Variants in TBXA2R observed in about 807,000 individuals in gnomAD.
TBXA2R encodes the protein prostanoid TP receptor.
Under a neutral mutation model 15.6 loss-of-function variants are expected in TBXA2R, and 15 were observed. The ratio of observed to expected loss-of-function variants is 0.96; its 90% CI spans 0.64 to 1.48. The LOEUF is 1.48. Among genes scored for constraint, TBXA2R ranks in the 40% most tolerant of loss-of-function variants. TBXA2R has a pLI of 0.00. For missense variants in TBXA2R, 506 were observed against 491.4 expected (o/e 1.03, Z -0.28); for synonymous variants, 280 against 241.2 (o/e 1.16, Z -1.49).
chr19:3,600,567 C>A lies in TBXA2R; in HGVS notation c.68G>T (p.Arg23Leu). The change falls in exon 2 of 3, where the codon CGG (arginine) becomes CTG (leucine). Residue 23 changes from arginine (R) to leucine (L), a missense_variant. Arg to Leu is a moderately radical substitution (Grantham distance 102, BLOSUM62 -2). Coordinates refer to ENST00000375190, the MANE Select transcript of TBXA2R (RefSeq NM_001060.6). Reference protein sequence around the residue: ...RPTNITLEERRLIASPWFAAS... With the variant: ...RPTNITLEERLLIASPWFAAS... ...GGCGAACCAGGGCGAGGCGATCAGC[C>A]GTCTCTCCTCCAGGGTAATGTTTGT... is the stretch of plus-strand genomic sequence containing the variant. The A allele has an allele frequency of 6.2e-7, 1 of 1,612,116 alleles. No homozygotes were observed. The highest frequency in any genetic ancestry group is 2.2e-5 in the East Asian group (1 of 44,806).
chr19:3,596,005 C>A, intron 2 of TBXA2R, 72 bp from the exon 3 acceptor site: 16 of 1,528,026 alleles, frequency 1.0e-5, no homozygotes, highest in Non-Finnish European at 1.4e-5. Context: ...GCCCGGGGTC[C>A]CTTGAGATCC....
At position 3,598,594 on chromosome 19, in the gene TBXA2R, C is replaced by T. The variant is rs561221281; in HGVS notation, c.786+1255G>A. On this transcript the variant is annotated intron_variant, in intron 2 of 2. Coordinates refer to ENST00000375190, the MANE Select transcript of TBXA2R (RefSeq NM_001060.6). ...CTTGAACTCCTGACCTCAGGTGATC[C>T]GCCTGTCTCGGCCTCTCAAAGCGCT... Among the ~76,000 whole-genome samples the T allele has an allele frequency of 2.4e-4, 37 of 151,900 alleles. No homozygotes were observed. The South Asian group carries it at 7.1e-3, about 29-fold the overall frequency.
chr19:3,595,056 G>A lies in TBXA2R; in HGVS notation c.*632C>T. 1.1e-6 allele frequency: 1 copy of A among 943,160 alleles called. No homozygotes were observed. The highest frequency in any genetic ancestry group is 1.6e-6 in the Non-Finnish European group (1 of 623,728). The allele number at this position is 943,160 out of a possible 1,614,324, so 58.4% of individuals were successfully genotyped here. On this transcript the variant is annotated 3_prime_UTR_variant, in exon 3 of 3. Transcript: ENST00000375190. ...GATCGTGCCACTGTACTCCAGGCTG[G>A]GCCACAGAGTGAGACTCCGTCTAAA...
In TBXA2R at chr19:3,595,901, C is replaced by G; in HGVS notation, c.819G>C (p.Pro273=). ...VFIAQTVLRN[P]PAMSPAGQLS... is the part of the protein sequence containing the mutation. ...GCTGCCCGGCGGGGCTCATGGCAGG[C>G]GGGTTTCGCAGCACTGTCTGGGCGA... is the stretch of plus-strand genomic sequence containing the variant. Residue 273 remains proline (P), a synonymous_variant, in exon 3 of 3, where the codon CCG becomes CCC. Coordinates refer to ENST00000375190, the MANE Select transcript of TBXA2R (RefSeq NM_001060.6). The G allele has an allele frequency of 6.2e-7, 1 of 1,602,956 alleles. No homozygotes were observed. The highest frequency in any genetic ancestry group is 2.3e-5 in the East Asian group (1 of 44,370).
At chr19:3,596,829 C>T (rs990935372) in intron 2 of TBXA2R, among the ~76,000 whole-genome samples, 14 of 151,850 alleles carry the variant, frequency 9.2e-5, no homozygotes, top group Non-Finnish European at 1.8e-4. Context: ...GATCTGCCCT[C>T]CTCGGCCTCC....
chr19:3,595,697 C>T lies in TBXA2R; in HGVS notation c.1023G>A (p.Gly341=). 6.3e-7 allele frequency: 1 copy of T among 1,587,290 alleles called. No homozygotes were observed. Among genetic ancestry groups the T allele is most frequent in the African/African-American group, 1.3e-5 (1 of 74,842 alleles). The change falls in exon 3 of 3, where the codon GGG becomes GGA. Residue 341 remains glycine (G), a synonymous_variant. Coordinates refer to ENST00000375190, the MANE Select transcript of TBXA2R (RefSeq NM_001060.6). ...GCGCTCTGTCCACTTCCTACTGCAG[C>T]CCGGAGCGCTGCGTGAGCTGGGGCT... ...SLQPQLTQRS[G]LQ
chr19:3,599,790 C>T (rs993137867), intron 2 of TBXA2R, 59 bp downstream of exon 2: 3 of 1,547,634 alleles, frequency 1.9e-6, no homozygotes, highest in African/African-American at 2.7e-5. Context: ...CTAAATCCAC[C>T]CTGGGTGACC....
At chr19:3,597,068 T>A (rs968603815) in intron 2 of TBXA2R, among the ~76,000 whole-genome samples, 5 of 151,274 alleles carry the variant, frequency 3.3e-5, no homozygotes, top group Non-Finnish European at 5.9e-5. Flanking sequence ...GCCTCCCGAG[T>A]AGCTGGGATT....
Position 3,595,704 on chromosome 19 carries a change from C to G in TBXA2R, c.1016G>C (p.Arg339Pro), listed in dbSNP as rs563919263. 5.0e-6 allele frequency: 8 copies of G among 1,590,538 alleles called. No homozygotes were observed. In the African/African-American group the frequency reaches 8.0e-5, roughly 16 times the overall value. Residue 339 changes from arginine (R) to proline (P), a missense_variant, in exon 3 of 3, where the codon CGC (arginine) becomes CCC (proline). By Grantham distance (103) the Arg-to-Pro change is moderately radical. Coordinates refer to ENST00000375190, the MANE Select transcript of TBXA2R (RefSeq NM_001060.6). ...SLSLQPQLTQ[R>P]SGLQ is the part of the protein sequence containing the mutation. ...GTCCACTTCCTACTGCAGCCCGGAGCGCTGCGTGAGCTGGGGCTGGAGGGA... is the reference window on the plus strand; with the variant it reads ...GTCCACTTCCTACTGCAGCCCGGAGGGCTGCGTGAGCTGGGGCTGGAGGGA...
In TBXA2R at chr19:3,600,128, C is replaced by T. The variant is rs760943192; in HGVS notation, c.507G>A (p.Leu169=). 1 of 1,610,474 alleles carries T rather than the reference C, an allele frequency of 6.2e-7. No individual in the cohort carries two copies. Among genetic ancestry groups the T allele is most frequent in the Non-Finnish European group, 8.5e-7 (1 of 1,179,012 alleles). ...AALALGLLPL[L]GVGRYTVQYP... ...ATTGCACGGTGTAGCGACCCACGCC[C>T]AGCAGGGGCAGCAGGCCCAGCGCCA... The change falls in exon 2 of 3, where the codon CTG becomes CTA. Residue 169 remains leucine, a synonymous_variant. Transcript: ENST00000375190.
intron 2 of TBXA2R, among the ~76,000 whole-genome samples, chr19:3,596,518 G>A (rs1445569101): frequency 6.6e-6 from 1 of 152,154 alleles, no homozygotes; most frequent in African/African-American, 2.4e-5. Context: ...CCAGCCTGGG[G>A]AACATAGTGA....
intron 1 of TBXA2R, among the ~76,000 whole-genome samples, chr19:3,601,985 G>T (rs1321494149): frequency 6.6e-6 from 1 of 151,926 alleles, no homozygotes; most frequent in Non-Finnish European, 1.5e-5. Flanking sequence ...ACTTTGGGAG[G>T]CCGAGGCGGG....
intron 1 of TBXA2R, among the ~76,000 whole-genome samples, chr19:3,601,033 C>A (rs373845837): frequency 6.6e-6 from 1 of 151,256 alleles, no homozygotes; most frequent in Non-Finnish European, 1.5e-5. Context: ...GGATTACAGG[C>A]GTGAGCCACC....
chr19:3,596,515 G>A (rs900250403), intron 2 of TBXA2R, among the ~76,000 whole-genome samples: 3 of 152,114 alleles, frequency 2.0e-5, no homozygotes, highest in Admixed American at 2.0e-4. Context: ...AGACCAGCCT[G>A]GGGAACATAG....
Position 3,599,973 on chromosome 19 carries a change from G to A in TBXA2R, c.662C>T (p.Thr221Ile), listed in dbSNP as rs932661365. ...CTGCCCGTGGTAGACGTGGCACAGG[G>A]TGGCCACGCTGACCGTGTTCAGCAG... ...SFLLNTVSVA[T>I]LCHVYHGQEA... Residue 221 changes from threonine (T) to isoleucine (I), a missense_variant, in exon 2 of 3, where the codon ACC (threonine) becomes ATC (isoleucine). By Grantham distance (89) the Thr-to-Ile change is moderately conservative. Transcript: ENST00000375190. The A allele has an allele frequency of 3.1e-6, 5 of 1,595,458 alleles. No individual in the cohort carries two copies. The African/African-American group carries it at 5.4e-5, about 17-fold the overall frequency.
At chr19:3,603,028 TCC>T (rs2032768253) in intron 1 of TBXA2R, among the ~76,000 whole-genome samples, 7 of 134,216 alleles carry the variant, frequency 5.2e-5, no homozygotes, top group Non-Finnish European at 9.9e-5. Flanking sequence ...AGAGCGAGAC[TCC>T]ATCTCAAAAA....
At chr19:3,605,981 C>T (rs903666628) in intron 1 of TBXA2R, among the ~76,000 whole-genome samples, 6 of 152,096 alleles carry the variant, frequency 3.9e-5, no homozygotes, top group African/African-American at 1.4e-4. Flanking sequence ...GACACACAGG[C>T]AGAAACACAA....
In TBXA2R at chr19:3,595,478, A is replaced by C. The variant is rs1393243524; in HGVS notation, c.*210T>G. 1.2e-5 allele frequency: 17 copies of C among 1,421,660 alleles called. No homozygotes were observed. The East Asian group carries it at 2.5e-4, about 21-fold the overall frequency. 88.1% of individuals were successfully genotyped at this position (1,421,660 alleles called of 1,614,324 possible). ...AGGGGTGGGAGCTCTGGATGGGAAA[A>C]AGGGGCCGAGGAAGGGAGAGTGCTT... On this transcript the variant is annotated 3_prime_UTR_variant, in exon 3 of 3. Transcript: ENST00000375190.
intron 1 of TBXA2R, among the ~76,000 whole-genome samples, chr19:3,604,751 C>T (rs1366736465): frequency 6.6e-6 from 1 of 152,184 alleles, no homozygotes; most frequent in Non-Finnish European, 1.5e-5. Context: ...CTCCCTGGCT[C>T]TCACCTCTGC....
Sources: gnomAD v4.1 joint callset for allele counts (sites outside exome capture counted in the v4.1 genomes callset) on GRCh38, gnomAD v4.1.1 for gene constraint, MANE v1.5 for transcripts, NCBI Gene and HGNC (gene_info 2026-07-23, HGNC 2026-07-21) for gene names.